The following SMG1 variants were observed in gnomAD, a reference collection of about 807,000 sequenced individuals.
SMG1 encodes the protein SMG1 nonsense mediated mRNA decay associated PI3K related kinase, also known as serine/threonine-protein kinase SMG1.
In SMG1, 22 loss-of-function variants were observed where a neutral mutation model predicts 419.9. The observed-to-expected ratio is 0.05, with a 90% CI of 0.04 to 0.07. The LOEUF (loss-of-function observed/expected upper bound fraction) is 0.07, where lower values mean the gene tolerates loss of function less well. Among genes scored for constraint, SMG1 ranks in the 10% least tolerant of loss-of-function variants. SMG1 has a pLI of 1.00. For missense variants in SMG1, 3,185 were observed against 4,342.0 expected, an observed-to-expected ratio of 0.73 and a Z score of 7.49; for synonymous variants, 1,538 against 1,553.5, an observed-to-expected ratio of 0.99 and a Z score of 0.23.
Position 18,868,609 on chromosome 16 carries a change from G to C in SMG1, c.2944C>G (p.Leu982Val), listed in dbSNP as rs1248370500. The C allele has an allele frequency of 3.8e-6, 6 of 1,590,658 alleles. No individual in the cohort carries two copies. Among genetic ancestry groups the C allele is most frequent in the South Asian group, 1.1e-5 (1 of 90,804 alleles). Residue 982 changes from leucine to valine, a missense_variant, in exon 21 of 63, where the codon CTT becomes GTT. Leu to Val is a conservative substitution (Grantham distance 32). Coordinates refer to ENST00000446231, the MANE Select transcript of SMG1 (RefSeq NM_015092.5). ...GHGNNQLRLV[L>V]LLQYLENLEK... ...AGATTTTCCAGATACTGCAGAAGAA[G>C]AACAAGTCTAAGTTGGTTGTTACCA...
chr16:18,917,141 T>C (rs2038013149), intron 1 of SMG1, among the ~76,000 whole-genome samples: 1 of 151,804 alleles, frequency 6.6e-6, no homozygotes, highest in Non-Finnish European at 1.5e-5. Flanking sequence ...TTACCTTAAT[T>C]AATTAATTTA....
At chr16:18,889,669 G>C (rs2036792200) in intron 5 of SMG1, 84 bp from the exon 6 acceptor site, 2 of 562,518 alleles carry the variant, frequency 3.6e-6, no homozygotes, top group South Asian at 4.0e-5. Context: ...TCTTACAAAA[G>C]AATGTCTTAA....
At chr16:18,903,934 C>CTTTTTTTT (rs71141091) in intron 1 of SMG1, among the ~76,000 whole-genome samples, 54 of 99,852 alleles carry the variant, frequency 5.4e-4, no homozygotes, top group Non-Finnish European at 7.3e-4. Context: ...TATGTCTTGT[C>CTTTTTTTT]TTTTTTTTTT....
intron 55 of SMG1, among the ~76,000 whole-genome samples, chr16:18,820,798 C>T (rs2032460579): frequency 6.6e-6 from 1 of 152,142 alleles, no homozygotes; most frequent in Non-Finnish European, 1.5e-5. Flanking sequence ...TTTAAAACAT[C>T]ACAGAATTAT....
intron 4 of SMG1, among the ~76,000 whole-genome samples, chr16:18,891,563 T>C (rs2036881789): frequency 6.6e-6 from 1 of 152,284 alleles, no homozygotes; most frequent in Admixed American, 6.5e-5. Context: ...GCCTCCCATG[T>C]AGCTGGAATT....
chr16:18,852,238 C>T (rs2141397034), intron 32 of SMG1, 33 bp from the exon 33 acceptor site: 2 of 1,606,470 alleles, frequency 1.2e-6, no homozygotes, highest in South Asian at 2.2e-5. Flanking sequence ...AGTATTTCAG[C>T]TACCCAAACT....
intron 33 of SMG1, 113 bp from the exon 34 acceptor site, chr16:18,850,580 C>T (rs1390759819): frequency 2.9e-6 from 2 of 688,242 alleles, no homozygotes; most frequent in Non-Finnish European, 4.8e-6. Flanking sequence ...ATAAAATTAT[C>T]CCACATTTAG....
chr16:18,904,005 TCGACTCA>T (rs1247280045), intron 1 of SMG1, among the ~76,000 whole-genome samples: 1 of 147,908 alleles, frequency 6.8e-6, no homozygotes, highest in African/African-American at 2.5e-5. Context: ...TGACGTGATC[TCGACTCA>T]CTGCAAGCTC....
At position 18,805,018 on chromosome 16, in the gene SMG1, A is replaced by G. The variant is rs2030695034; in HGVS notation, c.*4551T>C. The stretch of plus-strand genomic sequence containing the variant: ...GGTGTGATTTATTCAACTTTTAAAT[A>G]CAATCACAAAATTATATCCATCAGG... On this transcript the variant is annotated 3_prime_UTR_variant, in exon 63 of 63. Transcript: ENST00000446231. 1 of 152,698 alleles carries G rather than the reference A, an allele frequency of 6.5e-6. No homozygotes were observed. The highest frequency in any genetic ancestry group is 2.4e-5 in the African/African-American group (1 of 41,466). The allele number at this position is 152,698 out of a possible 1,614,324, so 9.5% of individuals were successfully genotyped here. A position where few individuals can be genotyped will look rare whatever the true frequency, so the allele number is the denominator to read the frequency against.
At position 18,869,982 on chromosome 16, in the gene SMG1, G is replaced by A. The variant is rs1275859514; in HGVS notation, c.2505C>T (p.His835=). ...PLDVVLSNNN[H]TEIQEISLAL... is the part of the protein sequence containing the mutation. Reference sequence around the variant, plus strand: ...CTAAAGAAATTTCTTGAATTTCTGTGTGATTGTTATTGCTGTAGACAGAAA... The same window carrying A: ...CTAAAGAAATTTCTTGAATTTCTGTATGATTGTTATTGCTGTAGACAGAAA... The change falls in exon 19 of 63, where the codon CAC becomes CAT. Residue 835 remains histidine, a synonymous_variant. Transcript: ENST00000446231. 36 of 1,541,762 alleles carry A rather than the reference G, an allele frequency of 2.3e-5. No individual in the cohort carries two copies. Among genetic ancestry groups the A allele is most frequent in the Non-Finnish European group, 3.0e-5 (35 of 1,147,866 alleles).
chr16:18,836,852 T>G (rs1489893831), intron 46 of SMG1, among the ~76,000 whole-genome samples: 1 of 152,234 alleles, frequency 6.6e-6, no homozygotes, highest in Admixed American at 6.5e-5. Context: ...ACCCTTTTAC[T>G]GAGCACCTGC....
At chr16:18,867,700 C>CTTTTTTTTTTTTTTTTTTTTTTT (rs778044384) in intron 22 of SMG1, among the ~76,000 whole-genome samples, 1 of 87,876 alleles carries the variant, frequency 1.1e-5, no homozygotes, top group African/African-American at 4.5e-5. Context: ...ATTTTAACTT[C>CTTTTTTTTTTTTTTTTTTTTTTT]TTTTTTTTTT....
At chr16:18,829,783 T>G (rs987946039) in intron 53 of SMG1, 28 bp from the exon 54 acceptor site, 11 of 1,563,772 alleles carry the variant, frequency 7.0e-6, no homozygotes, top group Non-Finnish European at 9.5e-6. Context: ...TTCTTGTATT[T>G]CATGAAAAAA....
In SMG1 at chr16:18,811,795, A is replaced by G. The variant is rs374240919; in HGVS notation, c.10874T>C (p.Val3625Ala). The change falls in exon 62 of 63, where the codon GTT becomes GCT. Residue 3625 changes from valine (V) to alanine (A), a missense_variant. Physicochemically the swap from Val to Ala is moderately conservative, Grantham distance 64. This residue lies in a region of SMG1 where 41 missense variants were observed against 78.7 expected (regional missense o/e 0.52). Coordinates refer to ENST00000446231, the MANE Select transcript of SMG1 (RefSeq NM_015092.5). Reference protein sequence around the residue: ...RVKAKLEGRDVDPNRRMSVAE... With the variant: ...RVKAKLEGRDADPNRRMSVAE... Reference sequence around the variant, plus strand: ...AACTGACATCCTCCTATTCGGATCAACATCTCGGCCCTCTAACTTGGCTTT... The same window carrying G: ...AACTGACATCCTCCTATTCGGATCAGCATCTCGGCCCTCTAACTTGGCTTT... 22 of 1,613,876 alleles carry G rather than the reference A, an allele frequency of 1.4e-5. No homozygotes were observed. In the African/African-American group the frequency reaches 2.3e-4, roughly 17 times the overall value.
intron 1 of SMG1, among the ~76,000 whole-genome samples, chr16:18,906,837 G>A (rs1474527114): frequency 3.9e-5 from 6 of 152,098 alleles, no homozygotes; most frequent in African/African-American, 9.7e-5. Flanking sequence ...AATCCATTAT[G>A]ACCTCCAGGC....
At chr16:18,882,031 T>C (rs1284459352) in intron 10 of SMG1, 134 bp downstream of exon 10, 78 of 501,142 alleles carry the variant, frequency 1.6e-4, no homozygotes, top group Admixed American at 1.7e-4. Context: ...TCAGACAATA[T>C]ATACATATAT....
chr16:18,815,049 GTTCAGT>G (rs1288579644), intron 60 of SMG1, 120 bp downstream of exon 60: 3 of 666,520 alleles, frequency 4.5e-6, no homozygotes, highest in African/African-American at 1.8e-5. Flanking sequence ...GCTAAAATCT[GTTCAGT>G]TTAAGATTAT....
chr16:18,904,391 T>G (rs929491927), intron 1 of SMG1, among the ~76,000 whole-genome samples: 1 of 151,290 alleles, frequency 6.6e-6, no homozygotes, highest in African/African-American at 2.4e-5. Context: ...TCCCAGCACT[T>G]TGGGAAGCGA....
In SMG1 at chr16:18,841,588, C is replaced by T; in HGVS notation, c.6673G>A (p.Glu2225Lys). The change falls in exon 41 of 63, where the codon GAA (glutamate) becomes AAA (lysine). Residue 2225 changes from glutamate to lysine, a missense_variant. This residue lies in a region of SMG1 where 132 missense variants were observed against 151.0 expected (regional missense o/e 0.87). Coordinates refer to ENST00000446231, the MANE Select transcript of SMG1 (RefSeq NM_015092.5). ...FGLYKRWQQR[E>K]AALQAQKAQD... The stretch of plus-strand genomic sequence containing the variant: ...ACCTTTTGTGCTTGTAAGGCAGCTT[C>T]CCGTTGTTGCCATCGTTTGTAAAGA... 1 of 1,613,914 alleles carries T rather than the reference C, an allele frequency of 6.2e-7. No homozygotes were observed. Among genetic ancestry groups the T allele is most frequent in the East Asian group, 2.2e-5 (1 of 44,882 alleles).
Sources: allele counts gnomAD v4.1 joint callset (sites outside exome capture counted in the v4.1 genomes callset), GRCh38; gene constraint gnomAD v4.1.1; regional missense constraint gnomAD v4.1.1; transcripts MANE v1.5; gene names NCBI Gene and HGNC (gene_info 2026-07-23, HGNC 2026-07-21).